The following BRSK1 variants were observed in gnomAD, a reference collection of about 807,000 sequenced individuals.
BRSK1 encodes the protein serine/threonine-protein kinase BRSK1.
BRSK1 carries 17 observed loss-of-function variants against 86.2 expected under a neutral mutation model. The observed-to-expected ratio is 0.20, with a 90% CI of 0.14 to 0.30. The LOEUF (loss-of-function observed/expected upper bound fraction) is 0.30. Ranked by LOEUF, BRSK1 falls within the 10% of genes least tolerant of loss-of-function variation. The pLI is 1.00. For synonymous variants in BRSK1, 464 were observed against 440.1 expected (o/e 1.05, Z -0.68); for missense variants, 719 against 1,071.9 (o/e 0.67, Z 4.60).
At chr19:55,288,473 C>CA (rs1233222342) in intron 3 of BRSK1, among the ~76,000 whole-genome samples, 11,004 of 55,354 alleles carry the variant, frequency 0.2, 863 homozygotes, top group Middle Eastern at 0.22. Flanking sequence ...GACTCTGTCT[C>CA]AAAAAAAAAA....
rs45579439 is a variant in BRSK1, at chr19:55,303,467, C to T, written c.1126+59C>T. 0.018 allele frequency: 28,687 copies of T among 1,561,656 alleles called. 339 individuals are homozygous for T. Among genetic ancestry groups the T allele is most frequent in the Middle Eastern group, 0.025 (147 of 5,814 alleles). On this transcript the variant is annotated intron_variant, in intron 11 of 18. Coordinates refer to ENST00000309383, the MANE Select transcript of BRSK1 (RefSeq NM_032430.2). The surrounding 1 kb of genome is among the most constrained non-coding windows in gnomAD (Gnocchi z 5.1). ...GGTCTCGAGATTGGAAGAGGCTGGC[C>T]ACGGGGACCCCAGATTCCCAAGGAA... is the stretch of plus-strand genomic sequence containing the variant.
Position 55,284,219 on chromosome 19 carries a change from C to G in BRSK1, c.-224C>G. On this transcript the variant is annotated 5_prime_UTR_variant, in exon 1 of 19. Transcript: ENST00000309383. ...GGGGGGCCCCGCAGCCCCCCTGGGC[C>G]ATGCTGACTCCCGGGGCCTGACCCC... 1 of 646,564 alleles carries G rather than the reference C, an allele frequency of 1.5e-6. No individual in the cohort carries two copies. Among genetic ancestry groups the G allele is most frequent in the Non-Finnish European group, 2.2e-6 (1 of 456,388 alleles). 40.1% of individuals were successfully genotyped at this position (646,564 alleles called of 1,614,324 possible).
chr19:55,307,124 C>T (rs148509266), intron 17 of BRSK1, among the ~76,000 whole-genome samples: 90 of 152,310 alleles, frequency 5.9e-4, no homozygotes, highest in African/African-American at 2.0e-3. Flanking sequence ...GGGATATCGC[C>T]GATCTCTTTG....
In BRSK1 at chr19:55,304,091, G is replaced by C. The variant is rs1401305248; in HGVS notation, c.1328G>C (p.Ser443Thr). ...VSGASTGLSS[S>T]PLSSPRSPVF... is the part of the protein sequence containing the mutation. ...GGAGCCTCCACGGGTCTGTCCTCCAGCCCTCTAAGCAGCCCAAGGGTAAGG... is the reference window on the plus strand; with the variant it reads ...GGAGCCTCCACGGGTCTGTCCTCCACCCCTCTAAGCAGCCCAAGGGTAAGG... The change falls in exon 13 of 19, where the codon AGC becomes ACC. Residue 443 changes from serine (S) to threonine (T), a missense_variant. This residue lies in a region of BRSK1 where 168 missense variants were observed against 246.3 expected (regional missense o/e 0.68). Transcript: ENST00000309383. The surrounding 1 kb of genome is among the most constrained non-coding windows in gnomAD (Gnocchi z 5.2). 1.9e-6 allele frequency: 3 copies of C among 1,612,650 alleles called. No individual in the cohort carries two copies. The African/African-American group carries it at 4.0e-5, about 22-fold the overall frequency.
At position 55,284,228 on chromosome 19, in the gene BRSK1, TC is replaced by T; in HGVS notation, c.-212del. ...CGCAGCCCCCCTGGGCCATGCTGAC[TC>T]CCGGGGCCTGACCCCCCCGGGCCAG... On this transcript the variant is annotated 5_prime_UTR_variant, in exon 1 of 19. The change abolishes the stop of an existing upstream ORF in the 5' untranslated region. Transcript: ENST00000309383. 1.7e-6 allele frequency: 1 copy of T among 572,422 alleles called. No homozygotes were observed. Among genetic ancestry groups the T allele is most frequent in the Non-Finnish European group, 2.6e-6 (1 of 392,128 alleles). The allele number at this position is 572,422 out of a possible 1,614,324, so 35.5% of individuals were successfully genotyped here. A position where few individuals can be genotyped will look rare whatever the true frequency, so the allele number is the denominator to read the frequency against.
intron 18 of BRSK1, among the ~76,000 whole-genome samples, chr19:55,308,929 C>T (rs931896909): frequency 3.3e-5 from 5 of 152,226 alleles, no homozygotes; most frequent in African/African-American, 4.8e-5. Context: ...TCACCATTGT[C>T]GTAGCTGAGG....
chr19:55,296,904 T>TA (rs892262331), intron 7 of BRSK1, among the ~76,000 whole-genome samples: 3 of 151,700 alleles, frequency 2.0e-5, no homozygotes, highest in Non-Finnish European at 2.9e-5. Context: ...TAGTCCCAGT[T>TA]ACTCAGGAGG....
intron 7 of BRSK1, among the ~76,000 whole-genome samples, chr19:55,297,138 G>A (rs893855767): frequency 1.3e-5 from 2 of 152,022 alleles, no homozygotes; most frequent in Non-Finnish European, 2.9e-5. Flanking sequence ...GTGTAGTGGC[G>A]CCATCTCGGC....
In BRSK1 at chr19:55,311,952, C is replaced by G. The variant is rs761204159; in HGVS notation, c.2221C>G (p.Pro741Ala). The G allele has an allele frequency of 3.1e-6, 5 of 1,609,924 alleles. No individual in the cohort carries two copies. In the South Asian group the frequency reaches 3.3e-5, roughly 11 times the overall value. The stretch of plus-strand genomic sequence containing the variant: ...CCAGACCCGGCCTGCTGGTGCCCCA[C>G]CCCGAAGCCTGCAGCCCCCACCCGG... The part of the protein sequence containing the change: ...GAQTRPAGAP[P>A]RSLQPPPGRP... The change falls in exon 19 of 19, where the codon CCC becomes GCC. Residue 741 changes from proline (P) to alanine (A), a missense_variant. Around this residue, in one of 6 missense-constraint regions of BRSK1, gnomAD observed 82 missense variants for 72.6 expected, o/e 1.13. Coordinates refer to ENST00000309383, the MANE Select transcript of BRSK1 (RefSeq NM_032430.2).
chr19:55,286,386 AC>A (rs1161657259), intron 1 of BRSK1, among the ~76,000 whole-genome samples: 3 of 150,808 alleles, frequency 2.0e-5, no homozygotes, highest in Admixed American at 6.6e-5. Context: ...GACCGGACAT[AC>A]CCTTGGTGTC....
Position 55,304,224 on chromosome 19 carries a change from C to T in BRSK1, c.1347+114C>T. The T allele has an allele frequency of 1.7e-6, 2 of 1,150,876 alleles. No individual in the cohort carries two copies. Among genetic ancestry groups the T allele is most frequent in the Non-Finnish European group, 2.4e-6 (2 of 822,508 alleles). The allele number at this position is 1,150,876 out of a possible 1,614,324, so 71.3% of individuals were successfully genotyped here. ...GCAGTCTTGAGACTTGCTTCTTTGTCCCTGGAGGGCCAAAGACCCAAGGCC... is the reference window on the plus strand; with the variant it reads ...GCAGTCTTGAGACTTGCTTCTTTGTTCCTGGAGGGCCAAAGACCCAAGGCC... On this transcript the variant is annotated intron_variant, in intron 13 of 18. Coordinates refer to ENST00000309383, the MANE Select transcript of BRSK1 (RefSeq NM_032430.2). This position sits in a 1 kb window ranked among gnomAD's most constrained non-coding sequence, Gnocchi z 5.2.
Position 55,284,507 on chromosome 19 carries a change from C to T in BRSK1, c.65C>T (p.Pro22Leu). The T allele has an allele frequency of 8.1e-7, 1 of 1,232,962 alleles. No individual in the cohort carries two copies. The highest frequency in any genetic ancestry group is 1.1e-6 in the Non-Finnish European group (1 of 937,760). 76.4% of individuals were successfully genotyped at this position (1,232,962 alleles called of 1,614,324 possible). The change falls in exon 1 of 19, where the codon CCC becomes CTC. Residue 22 changes from proline to leucine, a missense_variant. Pro to Leu is a moderately conservative substitution (Grantham distance 98). Around this residue, in one of 6 missense-constraint regions of BRSK1, gnomAD observed 71 missense variants for 92.6 expected, o/e 0.77. Transcript: ENST00000309383. ...GCCTACCACCTCCCCCACCCCCACC[C>T]CCACCCACCCCAGCACGCCCAATAT... ...SPAYHLPHPH[P>L]HPPQHAQYVG...
Position 55,302,132 on chromosome 19 carries a change from C to T in BRSK1, c.826-5C>T. On this transcript the variant is annotated splice_polypyrimidine_tract_variant and splice_region_variant and intron_variant, in intron 8 of 18. Transcript: ENST00000309383. This position sits in a 1 kb window ranked among gnomAD's most constrained non-coding sequence, Gnocchi z 6.3. ...CTGCTTCTCTACGACTCACCACCCTCACAGCTGGAGCAAATTCAGAAACAT... is the reference window on the plus strand; with the variant it reads ...CTGCTTCTCTACGACTCACCACCCTTACAGCTGGAGCAAATTCAGAAACAT... 6.2e-7 allele frequency: 1 copy of T among 1,614,188 alleles called. No homozygotes were observed. The highest frequency in any genetic ancestry group is 8.5e-7 in the Non-Finnish European group (1 of 1,180,022).
At chr19:55,292,011 C>T (rs542492596) in intron 4 of BRSK1, among the ~76,000 whole-genome samples, 3 of 152,304 alleles carry the variant, frequency 2.0e-5, no homozygotes, top group Admixed American at 6.5e-5. Flanking sequence ...CCACCCACCT[C>T]GGCCTCCTGA....
In BRSK1 at chr19:55,303,898, C is replaced by G; in HGVS notation, c.1286+72C>G. 4 of 1,528,168 alleles carry G rather than the reference C, an allele frequency of 2.6e-6. No homozygotes were observed. The South Asian group carries it at 3.9e-5, about 15-fold the overall frequency. 94.7% of individuals were successfully genotyped at this position (1,528,168 alleles called of 1,614,324 possible). A position where few individuals can be genotyped will look rare whatever the true frequency, so the allele number is the denominator to read the frequency against. On this transcript the variant is annotated intron_variant, in intron 12 of 18. Transcript: ENST00000309383. This position sits in a 1 kb window ranked among gnomAD's most constrained non-coding sequence, Gnocchi z 5.1. ...GGAGTTCAAGATTCTAACCCCAGCT[C>G]TACCTCAAATGTGCTGTGTCCTTGG...
chr19:55,302,714 C>A lies in BRSK1; in HGVS notation c.875C>A (p.Pro292Gln). 1 of 1,611,664 alleles carries A rather than the reference C, an allele frequency of 6.2e-7. No homozygotes were observed. The highest frequency in any genetic ancestry group is 2.2e-5 in the East Asian group (1 of 44,828). The change falls in exon 10 of 19, where the codon CCA becomes CAA. Residue 292 changes from proline (P) to glutamine (Q), a missense_variant. Physicochemically the swap from Pro to Gln is moderately conservative, Grantham distance 76 (BLOSUM62 -1). This residue lies in a region of BRSK1 where 168 missense variants were observed against 246.3 expected (regional missense o/e 0.68). Coordinates refer to ENST00000309383, the MANE Select transcript of BRSK1 (RefSeq NM_032430.2). This position sits in a 1 kb window ranked among gnomAD's most constrained non-coding sequence, Gnocchi z 6.3. The stretch of plus-strand genomic sequence containing the variant: ...TTCCCCAGAGGCGGGAAACACGAGC[C>A]AGACCCGTGCCTGGAGCCAGCCCCT... ...HPWYLGGKHE[P>Q]DPCLEPAPGR...
At chr19:55,299,911 C>G (rs144604172) in intron 7 of BRSK1, among the ~76,000 whole-genome samples, 1 of 152,102 alleles carries the variant, frequency 6.6e-6, no homozygotes, top group Non-Finnish European at 1.5e-5. Flanking sequence ...TTGCAACACC[C>G]GGAAAAGCCC....
intron 17 of BRSK1, 76 bp from the exon 18 acceptor site, chr19:55,308,563 T>C (rs2088702303): frequency 1.9e-6 from 2 of 1,051,832 alleles, no homozygotes; most frequent in Non-Finnish European, 1.5e-6. Context: ...GTGGAGGGAC[T>C]GGGTTCTGCA....
rs45508100 is a variant in BRSK1 at position 55,303,447 on chromosome 19, C to G, written c.1126+39C>G. On this transcript the variant is annotated intron_variant, in intron 11 of 18. Coordinates refer to ENST00000309383, the MANE Select transcript of BRSK1 (RefSeq NM_032430.2). This position sits in a 1 kb window ranked among gnomAD's most constrained non-coding sequence, Gnocchi z 5.1. ...GCTAGGGGACCAGACACCTGGGTCT[C>G]GAGATTGGAAGAGGCTGGCCACGGG... is the stretch of plus-strand genomic sequence containing the variant. 24 of 1,597,088 alleles carry G rather than the reference C, an allele frequency of 1.5e-5. No individual in the cohort carries two copies. Among genetic ancestry groups the G allele is most frequent in the African/African-American group, 2.7e-5 (2 of 74,542 alleles).
Sources: allele counts gnomAD v4.1 joint callset (sites outside exome capture counted in the v4.1 genomes callset), GRCh38; gene constraint gnomAD v4.1.1; regional missense constraint gnomAD v4.1.1; non-coding constraint Gnocchi (gnomAD v3.1); transcripts MANE v1.5; gene names NCBI Gene and HGNC (gene_info 2026-07-23, HGNC 2026-07-21).